PLS3: variants seen among roughly 807,000 people sequenced by gnomAD.
The protein encoded by PLS3 is plastin 3.
PLS3 carries 11 observed loss-of-function variants against 46.5 expected under a neutral mutation model. The ratio of observed to expected loss-of-function variants is 0.24; its 90% CI spans 0.15 to 0.39. The LOEUF (loss-of-function observed/expected upper bound fraction) is 0.39. PLS3 is among the 10% of genes least tolerant of loss of function. The pLI is 1.00. For synonymous variants in PLS3, 167 were observed against 162.2 expected, an observed-to-expected ratio of 1.03 and a Z score of -0.22; for missense variants, 308 against 461.8, an observed-to-expected ratio of 0.67 and a Z score of 3.05.
chrX:115,629,499 G>GT (rs1218438612), intron 4 of PLS3, among the ~76,000 whole-genome samples, 172 bp downstream of exon 4: 2 of 111,902 alleles, frequency 1.8e-5, no homozygotes, highest in Non-Finnish European at 3.8e-5. Flanking sequence ...CATTATAAGT[G>GT]TTTATTGTAT....
At chrX:115,635,719 T>C (rs1253851793) in intron 7 of PLS3, among the ~76,000 whole-genome samples, 1 of 107,714 alleles carries the variant, frequency 9.3e-6, no homozygotes, top group Non-Finnish European at 1.9e-5. Context: ...ACCGGGTGTG[T>C]TGGACCATGC....
chrX:115,608,679 A>G (rs1390845944), intron 1 of PLS3, among the ~76,000 whole-genome samples: 9 of 112,109 alleles, frequency 8.0e-5, no homozygotes, highest in East Asian at 2.8e-4. Flanking sequence ...TTGCATTACA[A>G]TTGCCTACAG....
Position 115,622,309 on chromosome X carries a change from T to C in PLS3, c.137T>C (p.Met46Thr). The C allele has an allele frequency of 2.5e-6, 3 of 1,180,288 alleles. No individual in the cohort carries two copies. Among genetic ancestry groups the C allele is most frequent in the Non-Finnish European group, 3.5e-6 (3 of 868,520 alleles). Reference protein sequence around the residue: ...ELHELFKEANMPLPGYKVREI... With the variant: ...ELHELFKEANTPLPGYKVREI... ...CATGAGCTCTTCAAGGAAGCTAATA[T>C]GCCATTACCAGGATATAAAGTGAGA... The change falls in exon 3 of 16, where the codon ATG becomes ACG. Residue 46 changes from methionine (M) to threonine (T), a missense_variant. This residue lies in a region of PLS3 where 271 missense variants were observed against 435.7 expected (regional missense o/e 0.62). Coordinates refer to ENST00000355899, the MANE Select transcript of PLS3 (RefSeq NM_005032.7).
intron 3 of PLS3, among the ~76,000 whole-genome samples, chrX:115,626,725 C>T (rs1258510994): frequency 9.0e-6 from 1 of 111,373 alleles, no homozygotes; most frequent in Non-Finnish European, 1.9e-5. Context: ...AATTAACAAA[C>T]TTAATTACAA....
At chrX:115,629,805 C>T in intron 4 of PLS3, 30 bp from the exon 5 acceptor site, 1 of 956,981 alleles carries the variant, frequency 1.0e-6, no homozygotes, top group Non-Finnish European at 1.5e-6. Flanking sequence ...AGAGTATGAA[C>T]TAATGTCTTG....
chrX:115,578,371 G>C (rs1363309888), intron 1 of PLS3, among the ~76,000 whole-genome samples: 1 of 111,853 alleles, frequency 8.9e-6, no homozygotes, highest in Non-Finnish European at 1.9e-5. Flanking sequence ...ACACTCTAGT[G>C]GAGTCATGAA....
chrX:115,609,775 C>A (rs1432446779), intron 1 of PLS3, among the ~76,000 whole-genome samples: 3 of 112,315 alleles, frequency 2.7e-5, no homozygotes, highest in African/African-American at 9.7e-5. Flanking sequence ...CCTCTTTATT[C>A]TTCCTTTAAT....
intron 1 of PLS3, among the ~76,000 whole-genome samples, chrX:115,598,961 T>TA (rs1221149589): frequency 1.8e-5 from 2 of 112,046 alleles, no homozygotes; most frequent in Non-Finnish European, 3.8e-5. Flanking sequence ...TTTATACAAT[T>TA]AAAGTTTTGG....
chrX:115,639,232 C>T (rs1923008363), intron 8 of PLS3, among the ~76,000 whole-genome samples: 2 of 111,742 alleles, frequency 1.8e-5, no homozygotes, highest in Admixed American at 1.9e-4. Context: ...AGCACTTTCG[C>T]AATTGTAGTA....
At chrX:115,643,243 A>G (rs1004356488) in intron 9 of PLS3, 70 bp from the exon 10 acceptor site, 9 of 646,789 alleles carry the variant, frequency 1.4e-5, no homozygotes, top group East Asian at 3.2e-5. Flanking sequence ...TACCCAGACT[A>G]TGACAGTGGG....
chrX:115,606,084 G>A lies in PLS3; in HGVS notation c.-8-4159G>A, dbSNP rs189548949. On this transcript the variant is annotated intron_variant, in intron 1 of 15. Transcript: ENST00000355899. ...ACCCAACTGGTCAGCAGGGATAAGGGGGGCGGGGGGCAGGAATGGTTTATG... is the reference window on the plus strand; with the variant it reads ...ACCCAACTGGTCAGCAGGGATAAGGAGGGCGGGGGGCAGGAATGGTTTATG... Among the ~76,000 whole-genome samples the A allele has an allele frequency of 1.1e-3, 119 of 105,267 alleles. 1 individual carries two copies. The highest frequency in any genetic ancestry group is 3.9e-3 in the African/African-American group (112 of 28,931). The allele number at this position is 105,267 out of a possible 115,157, so 91.4% of individuals were successfully genotyped here.
chrX:115,642,861 G>A (rs1228403013), intron 9 of PLS3, among the ~76,000 whole-genome samples: 2 of 111,001 alleles, frequency 1.8e-5, no homozygotes, highest in Admixed American at 9.7e-5. Context: ...AAGTACATTT[G>A]AAAAAAAATT....
chrX:115,585,992 AT>A (rs782430699), intron 1 of PLS3, among the ~76,000 whole-genome samples: 106 of 102,920 alleles, frequency 1.0e-3, no homozygotes, highest in Middle Eastern at 5.0e-3. Context: ...GAAAAATCTA[AT>A]TTTTTTTTTT....
At chrX:115,604,504 T>C (rs1436247019) in intron 1 of PLS3, among the ~76,000 whole-genome samples, 2 of 112,038 alleles carry the variant, frequency 1.8e-5, no homozygotes, top group Non-Finnish European at 3.8e-5. Flanking sequence ...TAATTAAACT[T>C]GCTCATGGAC....
chrX:115,579,437 G>A (rs2074268040), intron 1 of PLS3, among the ~76,000 whole-genome samples: 1 of 111,837 alleles, frequency 8.9e-6, no homozygotes, highest in African/African-American at 3.3e-5. Flanking sequence ...CAAATGCTGA[G>A]TTGTATGAGA....
chrX:115,614,720 G>A (rs782638798), intron 2 of PLS3, among the ~76,000 whole-genome samples: 1 of 112,016 alleles, frequency 8.9e-6, no homozygotes, highest in Non-Finnish European at 1.9e-5. Context: ...TATTTTGTGA[G>A]CTTTCATGGG....
chrX:115,643,751 A>T (rs901262470), intron 10 of PLS3, among the ~76,000 whole-genome samples: 11 of 111,704 alleles, frequency 9.8e-5, no homozygotes, highest in Non-Finnish European at 1.9e-4. Flanking sequence ...TGGGCGGATC[A>T]CCTGAGGTCA....
chrX:115,596,134 G>A (rs1317526404), intron 1 of PLS3, among the ~76,000 whole-genome samples: 1 of 112,038 alleles, frequency 8.9e-6, no homozygotes, highest in Non-Finnish European at 1.9e-5. Context: ...TTAGTATCTT[G>A]AAGTATTAAA....
chrX:115,600,570 T>C (rs1039387874), intron 1 of PLS3, among the ~76,000 whole-genome samples: 6 of 112,506 alleles, frequency 5.3e-5, no homozygotes, highest in Non-Finnish European at 7.5e-5. Flanking sequence ...TTTTGTGTGC[T>C]GTTCGTGAAA....
Sources: allele counts gnomAD v4.1 joint callset (sites outside exome capture counted in the v4.1 genomes callset), GRCh38; gene constraint gnomAD v4.1.1; regional missense constraint gnomAD v4.1.1; transcripts MANE v1.5; gene names NCBI Gene and HGNC (gene_info 2026-07-23, HGNC 2026-07-21).